Variants in NOL12 observed in about 807,000 individuals in gnomAD.
The protein encoded by NOL12 is nucleolar protein 12.
A neutral mutation model predicts 25.2 loss-of-function variants in NOL12; 21 were observed. The ratio of observed to expected loss-of-function variants is 0.83; its 90% CI spans 0.59 to 1.20. The LOEUF is 1.20. Ranked by LOEUF, NOL12 falls within the 50% of genes most tolerant of loss-of-function variation. NOL12 has a pLI of 0.00. For synonymous variants in NOL12, 133 were observed against 113.8 expected (o/e 1.17, Z -1.08); for missense variants, 286 against 287.6 (o/e 0.99, Z 0.04).
intron 2 of NOL12, 93 bp downstream of exon 2, chr22:37,688,108 G>T: frequency 1.7e-6 from 2 of 1,209,790 alleles, no homozygotes. Flanking sequence ...GGCATGGGGC[G>T]ATGTGTGTGT....
chr22:37,691,059 G>A lies in NOL12; in HGVS notation c.480-115G>A, dbSNP rs1922044236. On this transcript the variant is annotated intron_variant, in intron 5 of 5. Coordinates refer to ENST00000359114, the MANE Select transcript of NOL12 (RefSeq NM_024313.3). ...TCTGGAGGTAGAGCAGGCCAACTCT[G>A]GCATGAACTTGGCGGTCCTGGCATT... The A allele has an allele frequency of 4.0e-6, 5 of 1,250,274 alleles. No individual in the cohort carries two copies. In the South Asian group the frequency reaches 5.8e-5, roughly 14 times the overall value. The allele number at this position is 1,250,274 out of a possible 1,614,324, so 77.4% of individuals were successfully genotyped here.
chr22:37,691,241 C>T lies in NOL12; in HGVS notation c.547C>T (p.Arg183Trp), dbSNP rs775776838. ...RKKVKRKHPR[R>W]AQDSKKPPRA... ...AAAGGTCAAGAGGAAACATCCCCGA[C>T]GGGCCCAGGACTCCAAAAAGCCCCC... is the stretch of plus-strand genomic sequence containing the variant. The change falls in exon 6 of 6, where the codon CGG becomes TGG. Residue 183 changes from arginine to tryptophan, a missense_variant. By Grantham distance (101) the Arg-to-Trp change is moderately radical. Coordinates refer to ENST00000359114, the MANE Select transcript of NOL12 (RefSeq NM_024313.3). 29 of 1,613,974 alleles carry T rather than the reference C, an allele frequency of 1.8e-5. No individual in the cohort carries two copies. Among genetic ancestry groups the T allele is most frequent in the African/African-American group, 8.0e-5 (6 of 74,946 alleles).
rs546579679 is a variant in NOL12 at position 37,692,630 on chromosome 22, G to T, written c.*1294G>T. On this transcript the variant is annotated 3_prime_UTR_variant, in exon 6 of 6. Coordinates refer to ENST00000359114, the MANE Select transcript of NOL12 (RefSeq NM_024313.3). ...GGAGTGAACTGTGTTCCCAGGGCTT[G>T]CTGACGCCCGTGGACTATGGAGTCA... 34 of 398,794 alleles carry T rather than the reference G, an allele frequency of 8.5e-5. No homozygotes were observed. The East Asian group carries it at 1.1e-3, about 13-fold the overall frequency. 24.7% of individuals were successfully genotyped at this position (398,794 alleles called of 1,614,324 possible). A position where few individuals can be genotyped will look rare whatever the true frequency, so the allele number is the denominator to read the frequency against.
At chr22:37,690,600 C>T (rs987386548) in intron 4 of NOL12, 97 bp from the exon 5 acceptor site, 18 of 781,204 alleles carry the variant, frequency 2.3e-5, no homozygotes, top group Middle Eastern at 2.4e-4. Flanking sequence ...TGCAGCAGGG[C>T]GCGCCACCAC....
At chr22:37,688,510 G>T in intron 3 of NOL12, 150 bp downstream of exon 3, 1 of 785,198 alleles carries the variant, frequency 1.3e-6, no homozygotes. Flanking sequence ...ACCTCTAAGT[G>T]CAAGTGGAAC....
Position 37,688,990 on chromosome 22 carries a change from G to C in NOL12, c.379G>C (p.Glu127Gln). 1.9e-6 allele frequency: 3 copies of C among 1,611,398 alleles called. No homozygotes were observed. The highest frequency in any genetic ancestry group is 1.7e-6 in the Non-Finnish European group (2 of 1,179,944). Reference sequence around the variant, plus strand: ...CCGGCTGCTCGGGCTGACCCCACCTGAGGTGGGTCCCAGTCTCAGCCCTGG... The same window carrying C: ...CCGGCTGCTCGGGCTGACCCCACCTCAGGTGGGTCCCAGTCTCAGCCCTGG... ...GARLLGLTPP[E>Q]GGAGDRSEEE... The change falls in exon 4 of 6, where the codon GAG (glutamate) becomes CAG (glutamine). Residue 127 changes from glutamate to glutamine, a missense_variant and splice_region_variant. Glu to Gln is a conservative substitution (Grantham distance 29, BLOSUM62 2). Transcript: ENST00000359114.
In NOL12 at chr22:37,686,428, C is replaced by G; in HGVS notation, c.36C>G (p.Asp12Glu). The G allele has an allele frequency of 6.2e-7, 1 of 1,605,432 alleles. No individual in the cohort carries two copies. Among genetic ancestry groups the G allele is most frequent in the Non-Finnish European group, 8.5e-7 (1 of 1,176,780 alleles). The change falls in exon 1 of 6, where the codon GAC becomes GAG. Residue 12 changes from aspartate (D) to glutamate (E), a missense_variant. Transcript: ENST00000359114. ...GRNKKKKRDG[D>E]DRRPRLVLSF... Reference sequence around the variant, plus strand: ...ACAAGAAGAAGAAGCGAGATGGTGACGACCGGCGGCCGAGGCTCGTTCTTA... The same window carrying G: ...ACAAGAAGAAGAAGCGAGATGGTGAGGACCGGCGGCCGAGGCTCGTTCTTA...
rs1038105479 is a variant in NOL12, at chr22:37,686,429, G to A, written c.37G>A (p.Asp13Asn). ...CAAGAAGAAGAAGCGAGATGGTGAC[G>A]ACCGGCGGCCGAGGCTCGTTCTTAG... ...RNKKKKRDGD[D>N]RRPRLVLSFD... Residue 13 changes from aspartate (D) to asparagine (N), a missense_variant, in exon 1 of 6, where the codon GAC becomes AAC. Physicochemically the swap from Asp to Asn is conservative, Grantham distance 23. Transcript: ENST00000359114. 2 of 1,606,116 alleles carry A rather than the reference G, an allele frequency of 1.2e-6. No individual in the cohort carries two copies. Among genetic ancestry groups the A allele is most frequent in the Non-Finnish European group, 1.7e-6 (2 of 1,177,048 alleles).
chr22:37,690,363 C>A (rs60072944), intron 4 of NOL12, among the ~76,000 whole-genome samples: 8,180 of 152,258 alleles, frequency 0.054, 278 homozygotes, highest in South Asian at 0.1. Flanking sequence ...ATACTGATCT[C>A]ACACCGGTCT....
chr22:37,686,765 C>G, intron 1 of NOL12: 1 of 985,440 alleles, frequency 1.0e-6, no homozygotes, highest in Non-Finnish European at 1.2e-6. Context: ...GTCCATCGGT[C>G]CGGCACACAG....
intron 2 of NOL12, 116 bp from the exon 3 acceptor site, chr22:37,688,196 C>T (rs1313912964): frequency 2.5e-6 from 3 of 1,220,358 alleles, no homozygotes; most frequent in East Asian, 2.4e-5. Flanking sequence ...ATGGAGTCTC[C>T]TCCTGATCTT....
chr22:37,686,984 C>T (rs1921843795), intron 1 of NOL12: 1 of 985,166 alleles, frequency 1.0e-6, no homozygotes, highest in Non-Finnish European at 1.2e-6. Flanking sequence ...GACCGTGGGA[C>T]AAAATGGGAA....
intron 4 of NOL12, among the ~76,000 whole-genome samples, chr22:37,689,872 T>TA (rs1306537760): frequency 1.3e-5 from 2 of 151,288 alleles, no homozygotes; most frequent in Non-Finnish European, 2.9e-5. Flanking sequence ...CTATTAAAAG[T>TA]AAAAAAATTA....
chr22:37,687,706 C>T (rs751431011), intron 1 of NOL12: 10 of 440,888 alleles, frequency 2.3e-5, no homozygotes, highest in Admixed American at 2.2e-4. Flanking sequence ...GATCTTCCCA[C>T]CTCGACCTTC....
In NOL12 at chr22:37,690,810, C is replaced by T. The variant is rs1307832525; in HGVS notation, c.479+16C>T. The T allele has an allele frequency of 6.3e-7, 1 of 1,583,656 alleles. No individual in the cohort carries two copies. Among genetic ancestry groups the T allele is most frequent in the Non-Finnish European group, 8.7e-7 (1 of 1,154,792 alleles). ...TCTCTCAGCGGTGAGTCTTGGCCTG[C>T]TGCCTCCCCGGTCCCACCCCTCCTG... On this transcript the variant is annotated intron_variant, in intron 5 of 5. Transcript: ENST00000359114.
At chr22:37,686,908 A>C in intron 1 of NOL12, 1 of 985,426 alleles carries the variant, frequency 1.0e-6, no homozygotes, top group Non-Finnish European at 1.2e-6. Flanking sequence ...AGAACCTCTG[A>C]GCCTCAGCGT....
At chr22:37,687,091 G>T in intron 1 of NOL12, 1 of 985,416 alleles carries the variant, frequency 1.0e-6, no homozygotes, top group Non-Finnish European at 1.2e-6. Flanking sequence ...CTCCTAGCGT[G>T]CATCAACAGG....
chr22:37,689,003 G>A lies in NOL12; in HGVS notation c.381+11G>A. On this transcript the variant is annotated intron_variant, in intron 4 of 5. Transcript: ENST00000359114. ...CTGACCCCACCTGAGGTGGGTCCCA[G>A]TCTCAGCCCTGGGAGGAAGGGGCGT... The A allele has an allele frequency of 6.2e-7, 1 of 1,609,936 alleles. No individual in the cohort carries two copies. Among genetic ancestry groups the A allele is most frequent in the African/African-American group, 1.3e-5 (1 of 75,060 alleles).
rs1372762265 is a variant in NOL12 at position 37,687,904 on chromosome 22, C to T, written c.84-6C>T. On this transcript the variant is annotated splice_polypyrimidine_tract_variant and splice_region_variant and intron_variant, in intron 1 of 5. Transcript: ENST00000359114. The stretch of plus-strand genomic sequence containing the variant: ...TCTCCTGTCTCTGCCGGCTTCCTTC[C>T]TGTAGGGAGTACCTGACAGGCTTCC... 3.2e-6 allele frequency: 5 copies of T among 1,563,464 alleles called. No homozygotes were observed. Among genetic ancestry groups the T allele is most frequent in the African/African-American group, 1.4e-5 (1 of 73,778 alleles).
Sources: gnomAD v4.1 joint callset for allele counts (sites outside exome capture counted in the v4.1 genomes callset) on GRCh38, gnomAD v4.1.1 for gene constraint, MANE v1.5 for transcripts, NCBI Gene and HGNC (gene_info 2026-07-23, HGNC 2026-07-21) for gene names.